The following SSBP3 variants were observed in gnomAD, a reference collection of about 807,000 sequenced individuals.
SSBP3 encodes single-stranded DNA-binding protein 3.
Under a neutral mutation model 69.6 loss-of-function variants are expected in SSBP3, and 5 were observed. The ratio of observed to expected loss-of-function variants is 0.07; its 90% confidence interval spans 0.04 to 0.15. The LOEUF is 0.15. SSBP3 is among the 10% of genes least tolerant of loss of function. The pLI is 1.00. For synonymous variants in SSBP3, 196 were observed against 193.4 expected, an observed-to-expected ratio of 1.01 and a Z score of -0.11; for missense variants, 312 against 534.0, an observed-to-expected ratio of 0.58 and a Z score of 4.10.
intron 4 of SSBP3, among the ~76,000 whole-genome samples, chr1:54,342,207 C>T (rs184534505): frequency 5.0e-4 from 76 of 152,376 alleles, no homozygotes; most frequent in African/African-American, 1.6e-3. Flanking sequence ...GAAGGTACTT[C>T]GCAAAGTGCC....
At chr1:54,278,086 G>A (rs962104190) in intron 5 of SSBP3, among the ~76,000 whole-genome samples, 3 of 152,162 alleles carry the variant, frequency 2.0e-5, no homozygotes, top group Non-Finnish European at 1.5e-5. Flanking sequence ...CTTGCCCAAG[G>A]TCACTCAGCA....
chr1:54,340,221 G>A (rs914351887), intron 4 of SSBP3, among the ~76,000 whole-genome samples: 1 of 152,198 alleles, frequency 6.6e-6, no homozygotes, highest in Admixed American at 6.5e-5. Context: ...GTGCATTCCA[G>A]ATATCAAAAA....
At chr1:54,399,078 G>A (rs779799936) in intron 4 of SSBP3, among the ~76,000 whole-genome samples, 7 of 152,176 alleles carry the variant, frequency 4.6e-5, no homozygotes, top group East Asian at 3.8e-4. Flanking sequence ...TCACTCACCC[G>A]CAAGTGACTT....
At chr1:54,270,354 C>T (rs377185554) in intron 5 of SSBP3, among the ~76,000 whole-genome samples, 188 of 152,236 alleles carry the variant, frequency 1.2e-3, no homozygotes, top group African/African-American at 4.2e-3. Context: ...CTCCCAGCCT[C>T]GACCTCCCCC....
At position 54,230,681 on chromosome 1, in the gene SSBP3, C is replaced by T. The variant is rs144598130; in HGVS notation, c.928-1855G>A. 1.2e-4 allele frequency among the ~76,000 whole-genome samples: 18 copies of T among 152,280 alleles called. No homozygotes were observed. In the East Asian group the frequency reaches 3.5e-3, roughly 29 times the overall value. ...CCCGACTGCAGTCATTTCTGTCCTC[C>T]TCCAACGCCCCCGGCCCCAGGCAAA... On this transcript the variant is annotated intron_variant, in intron 14 of 17. Coordinates refer to ENST00000610401, the Ensembl canonical transcript of SSBP3.
At chr1:54,374,003 G>A (rs544888253) in intron 4 of SSBP3, among the ~76,000 whole-genome samples, 2 of 152,262 alleles carry the variant, frequency 1.3e-5, no homozygotes, top group African/African-American at 4.8e-5. Context: ...GGACAGGAAA[G>A]GCAGGTTATT....
chr1:54,367,868 A>G (rs1033368787), intron 4 of SSBP3, among the ~76,000 whole-genome samples: 1 of 152,254 alleles, frequency 6.6e-6, no homozygotes, highest in Admixed American at 6.5e-5. Context: ...TGTTCATCAC[A>G]TTACTATTTA....
intron 5 of SSBP3, among the ~76,000 whole-genome samples, chr1:54,279,126 G>A (rs577204177): frequency 1.4e-4 from 22 of 152,216 alleles, no homozygotes; most frequent in African/African-American, 2.6e-4. Context: ...ATCACCCAAC[G>A]TCACCCAGGA....
intron 4 of SSBP3, among the ~76,000 whole-genome samples, chr1:54,385,708 T>C (rs1338074233): frequency 6.6e-6 from 1 of 152,260 alleles, no homozygotes; most frequent in Non-Finnish European, 1.5e-5. Flanking sequence ...CTTTCATTCC[T>C]GAAATATCTT....
At position 54,404,532 on chromosome 1, in the gene SSBP3, CACAACAA is replaced by C. The variant is rs773596934; in HGVS notation, c.191+37_191+43del. 1.1e-5 allele frequency: 18 copies of C among 1,608,434 alleles called. No homozygotes were observed. The East Asian group carries it at 3.8e-4, about 34-fold the overall frequency. On this transcript the variant is annotated intron_variant, in intron 3 of 17. Coordinates refer to ENST00000610401, the Ensembl canonical transcript of SSBP3. ...TCTTTGTTCACTTGGACCCAGGGCT[CACAACAA>C]AACAAACACACATGCAAAACTATCA...
chr1:54,394,896 G>A (rs1038687142), intron 4 of SSBP3, among the ~76,000 whole-genome samples: 1 of 151,630 alleles, frequency 6.6e-6, no homozygotes, highest in African/African-American at 2.4e-5. Flanking sequence ...ATAGAGATGG[G>A]GTTTCACCAT....
At chr1:54,411,382 G>A (rs1159659315), upstream of SSBP3, among the ~76,000 whole-genome samples, 2 of 151,972 alleles carry the variant, frequency 1.3e-5, no homozygotes, top group Non-Finnish European at 1.5e-5. Context: ...GGTGGCTGGG[G>A]CAGGAGAATC....
At chr1:54,330,470 T>C (rs1300272153) in intron 4 of SSBP3, among the ~76,000 whole-genome samples, 1 of 152,162 alleles carries the variant, frequency 6.6e-6, no homozygotes, top group African/African-American at 2.4e-5. Flanking sequence ...CTTTCTGGCA[T>C]TGAGTGTAAA....
At chr1:54,316,767 T>C (rs1193592206) in intron 4 of SSBP3, among the ~76,000 whole-genome samples, 1 of 150,744 alleles carries the variant, frequency 6.6e-6, no homozygotes, top group East Asian at 1.9e-4. Flanking sequence ...TATAAGAAAA[T>C]ACCTTCGCGT....
intron 4 of SSBP3, among the ~76,000 whole-genome samples, chr1:54,369,227 G>GC (rs916426841): frequency 5.4e-5 from 8 of 147,000 alleles, no homozygotes; most frequent in South Asian, 2.2e-4. Flanking sequence ...TCGGGGGGGG[G>GC]GCCCAAGCCA....
intron 9 of SSBP3, among the ~76,000 whole-genome samples, chr1:54,248,167 C>T (rs898986345): frequency 5.9e-5 from 9 of 152,328 alleles, no homozygotes; most frequent in African/African-American, 1.9e-4. Flanking sequence ...ATCTAATTCC[C>T]GGCTGTGAAT....
intron 5 of SSBP3, among the ~76,000 whole-genome samples, chr1:54,270,963 A>C (rs1286589042): frequency 1.3e-5 from 2 of 152,078 alleles, no homozygotes; most frequent in Non-Finnish European, 2.9e-5. Flanking sequence ...GAGGGATGGG[A>C]CCCAGCACCT....
chr1:54,237,803 A>AG, intron 14 of SSBP3: 1 of 248,078 alleles, frequency 4.0e-6, no homozygotes, highest in East Asian at 9.7e-5. Context: ...GCAGACTCCT[A>AG]GGCAAGTGCT....
At chr1:54,393,951 A>T (rs1196699672) in intron 4 of SSBP3, among the ~76,000 whole-genome samples, 1 of 152,112 alleles carries the variant, frequency 6.6e-6, no homozygotes, top group Non-Finnish European at 1.5e-5. Context: ...GTAAAGACAG[A>T]GTTTCATCAT....
Sources: allele counts gnomAD v4.1 joint callset (sites outside exome capture counted in the v4.1 genomes callset), GRCh38; gene constraint gnomAD v4.1.1; transcripts MANE v1.5; gene names NCBI Gene and HGNC (gene_info 2026-07-23, HGNC 2026-07-21).